Variants in SNIP1 observed in about 807,000 individuals in gnomAD.
The protein encoded by SNIP1 is Smad nuclear interacting protein 1.
In SNIP1, 23 loss-of-function variants were observed where a neutral mutation model predicts 37.4. That is an observed-to-expected ratio of 0.61 (90% confidence interval 0.44 to 0.87). SNIP1 has a LOEUF of 0.87. Ranked by LOEUF, SNIP1 falls within the 40% of genes least tolerant of loss-of-function variation. The pLI is 0.00. For missense variants in SNIP1, 459 were observed against 540.4 expected (o/e 0.85, Z 1.49); for synonymous variants, 174 against 200.0 (o/e 0.87, Z 1.10).
At chr1:37,551,093 A>G (rs1282165110) in intron 2 of SNIP1, among the ~76,000 whole-genome samples, 3 of 151,160 alleles carry the variant, frequency 2.0e-5, no homozygotes, top group African/African-American at 7.3e-5. Context: ...ACACACACAC[A>G]CACACACACA....
At chr1:37,543,235 C>T (rs571508086) in intron 2 of SNIP1, among the ~76,000 whole-genome samples, 28 of 152,120 alleles carry the variant, frequency 1.8e-4, no homozygotes, top group Non-Finnish European at 2.4e-4. Context: ...TATTTTCAGC[C>T]ACTGCTGGTA....
intron 2 of SNIP1, among the ~76,000 whole-genome samples, chr1:37,550,718 A>C (rs1643290190): frequency 6.6e-6 from 1 of 151,626 alleles, no homozygotes; most frequent in Non-Finnish European, 1.5e-5. Flanking sequence ...AAAAAATAAA[A>C]AATAAAAAAT....
At chr1:37,541,720 C>T (rs1435098293) in intron 2 of SNIP1, 1 of 150,428 alleles carries the variant, frequency 6.6e-6, no homozygotes, top group Non-Finnish European at 1.5e-5. Context: ...ACAAACCATA[C>T]AGTAGTCCCA....
Position 37,554,199 on chromosome 1 carries a change from C to G in SNIP1, c.31G>C (p.Gly11Arg), listed in dbSNP as rs148377247. 83 of 1,609,278 alleles carry G rather than the reference C, an allele frequency of 5.2e-5. No homozygotes were observed. In the African/African-American group the frequency reaches 1.0e-3, roughly 20 times the overall value. MKAVKSERER[G>R]SRRRHRDGDV... ...CCGTCCCGGTGTCTTCGCCGGCTCC[C>G]TCGCTCCCGTTCGCTCTTCACCGCC... Residue 11 changes from glycine to arginine, a missense_variant, in exon 1 of 4, where the codon GGG (glycine) becomes CGG (arginine). Coordinates refer to ENST00000296215, the MANE Select transcript of SNIP1 (RefSeq NM_024700.4).
At chr1:37,548,488 G>T (rs1484717186) in intron 2 of SNIP1, among the ~76,000 whole-genome samples, 3 of 151,424 alleles carry the variant, frequency 2.0e-5, no homozygotes, top group African/African-American at 7.3e-5. Flanking sequence ...GCTAATTTTT[G>T]TATTTTTAGT....
chr1:37,542,224 T>C (rs756574643), intron 2 of SNIP1, among the ~76,000 whole-genome samples: 20 of 152,302 alleles, frequency 1.3e-4, no homozygotes, highest in Non-Finnish European at 2.1e-4. Context: ...GACAGGCAGG[T>C]AGCGCATACA....
At chr1:37,544,318 C>A (rs1327923224) in intron 2 of SNIP1, among the ~76,000 whole-genome samples, 1 of 149,418 alleles carries the variant, frequency 6.7e-6, no homozygotes, top group African/African-American at 2.5e-5. Context: ...CGGTGGCAGG[C>A]GCCTGTAATC....
chr1:37,546,151 C>T (rs868754945), intron 2 of SNIP1, among the ~76,000 whole-genome samples: 11 of 148,862 alleles, frequency 7.4e-5, no homozygotes, highest in African/African-American at 2.0e-4. Context: ...TAAGACCCCC[C>T]CCCCCCCCGC....
At chr1:37,552,527 T>C in intron 2 of SNIP1, 118 bp downstream of exon 2, 1 of 790,984 alleles carries the variant, frequency 1.3e-6, no homozygotes, top group East Asian at 2.5e-5. Context: ...CAAGTAGAGA[T>C]GTAGGCGAGC....
At chr1:37,543,343 A>C (rs1042437769) in intron 2 of SNIP1, among the ~76,000 whole-genome samples, 1 of 152,188 alleles carries the variant, frequency 6.6e-6, no homozygotes, top group African/African-American at 2.4e-5. Context: ...AATCCTACAG[A>C]AATACTAGCA....
In SNIP1 at chr1:37,552,723, C is replaced by G; in HGVS notation, c.249G>C (p.Lys83Asn). The part of the protein sequence containing the change: ...VSRSPPKKKN[K>N]ASGRRSKSPR... ...GAGACTTGCTTCTTCTCCCTGAGGC[C>G]TTGTTTTTCTTTTTGGGTGGGGACC... Residue 83 changes from lysine to asparagine, a missense_variant, in exon 2 of 4, where the codon AAG (lysine) becomes AAC (asparagine). Physicochemically the swap from Lys to Asn is moderately conservative, Grantham distance 94 (BLOSUM62 0). Coordinates refer to ENST00000296215, the MANE Select transcript of SNIP1 (RefSeq NM_024700.4). 2.5e-6 allele frequency: 4 copies of G among 1,614,160 alleles called. No individual in the cohort carries two copies. Among genetic ancestry groups the G allele is most frequent in the Non-Finnish European group, 2.5e-6 (3 of 1,180,004 alleles).
intron 3 of SNIP1, among the ~76,000 whole-genome samples, chr1:37,538,382 G>C (rs113456189): frequency 6.6e-6 from 1 of 151,846 alleles, no homozygotes; most frequent in Non-Finnish European, 1.5e-5. Context: ...GGTGGCGGGC[G>C]CCTGTGGAGC....
chr1:37,546,700 A>G (rs1643243927), intron 2 of SNIP1, among the ~76,000 whole-genome samples: 1 of 152,060 alleles, frequency 6.6e-6, no homozygotes, highest in African/African-American at 2.4e-5. Flanking sequence ...AAAGAAAGAA[A>G]AAGTATTGTT....
intron 1 of SNIP1, among the ~76,000 whole-genome samples, chr1:37,553,794 T>A (rs537941194): frequency 1.3e-5 from 2 of 152,336 alleles, no homozygotes; most frequent in Admixed American, 1.3e-4. Flanking sequence ...AGTGGGATCC[T>A]GCCGGTTAGT....
Position 37,542,405 on chromosome 1 carries a change from T to G in SNIP1, c.328-1650A>C, listed in dbSNP as rs571475720. On this transcript the variant is annotated intron_variant, in intron 2 of 3. Transcript: ENST00000296215. ...AGTGAAACCACAGATAAGGGGAGAC[T>G]ACTGCATATTAATATATCAATAAGA... is the stretch of plus-strand genomic sequence containing the variant. Among the ~76,000 whole-genome samples, 17 of 152,320 alleles carry G rather than the reference T, an allele frequency of 1.1e-4. No homozygotes were observed. In the South Asian group the frequency reaches 1.5e-3, roughly 13 times the overall value.
chr1:37,553,774 A>C (rs1271402791), intron 1 of SNIP1, among the ~76,000 whole-genome samples: 1 of 152,198 alleles, frequency 6.6e-6, no homozygotes, highest in Non-Finnish European at 1.5e-5. Flanking sequence ...TAGGAACACA[A>C]GAATGAAGGA....
chr1:37,545,234 C>A (rs1157191967), intron 2 of SNIP1: 3 of 661,900 alleles, frequency 4.5e-6, no homozygotes, highest in South Asian at 4.1e-5. Flanking sequence ...TGAGGGCACC[C>A]GAATCTGGCT....
At chr1:37,539,365 TGGG>T (rs1643139940) in intron 3 of SNIP1, among the ~76,000 whole-genome samples, 2 of 152,122 alleles carry the variant, frequency 1.3e-5, no homozygotes, top group South Asian at 4.1e-4. Context: ...ATCTGTCAAA[TGGG>T]GATACAAATA....
At chr1:37,538,725 T>G (rs568413058) in intron 3 of SNIP1, among the ~76,000 whole-genome samples, 1 of 152,192 alleles carries the variant, frequency 6.6e-6, no homozygotes, top group East Asian at 1.9e-4. Context: ...GCACTTGGAC[T>G]TCAGAGTCAA....
Sources: allele counts gnomAD v4.1 joint callset (sites outside exome capture counted in the v4.1 genomes callset), GRCh38; gene constraint gnomAD v4.1.1; transcripts MANE v1.5; gene names NCBI Gene and HGNC (gene_info 2026-07-23, HGNC 2026-07-21).